GNAT3: variants seen among roughly 807,000 people sequenced by gnomAD.
GNAT3 encodes the protein G protein subunit alpha transducin 3.
In GNAT3, 31 loss-of-function variants were observed where a neutral mutation model predicts 37.7. The observed-to-expected ratio is 0.82, with a 90% CI of 0.62 to 1.11. GNAT3 has a LOEUF of 1.11. Among genes scored for constraint, GNAT3 ranks in the 50% most tolerant of loss-of-function variants. The probability of loss-of-function intolerance (pLI) is 0.00; values close to 1 mark genes in which losing one functional copy is unlikely to be tolerated. For missense variants in GNAT3, 437 were observed against 412.5 expected, an observed-to-expected ratio of 1.06 and a Z score of -0.51; for synonymous variants, 138 against 139.8, an observed-to-expected ratio of 0.99 and a Z score of 0.09.
At chr7:80,503,087 T>G (rs756548972) in intron 1 of GNAT3, among the ~76,000 whole-genome samples, 10 of 152,152 alleles carry the variant, frequency 6.6e-5, no homozygotes, top group Non-Finnish European at 1.5e-4. Flanking sequence ...TCATTTTAGT[T>G]ACATAGTTAA....
intron 1 of GNAT3, among the ~76,000 whole-genome samples, chr7:80,511,127 A>G (rs1360108217): frequency 6.6e-6 from 1 of 152,124 alleles, no homozygotes; most frequent in Non-Finnish European, 1.5e-5. Flanking sequence ...TTAATTGAAC[A>G]TTTATTGAAT....
chr7:80,491,535 A>G (rs767111626), intron 2 of GNAT3, among the ~76,000 whole-genome samples: 1 of 152,174 alleles, frequency 6.6e-6, no homozygotes, highest in African/African-American at 2.4e-5. Flanking sequence ...AGAGACACTA[A>G]CATTTTAAAT....
intron 5 of GNAT3, among the ~76,000 whole-genome samples, chr7:80,466,074 C>G (rs1236811448): frequency 6.6e-6 from 1 of 152,060 alleles, no homozygotes. Flanking sequence ...CTCTTTCACT[C>G]TAATCCCCAC....
At chr7:80,507,642 C>A (rs549671298) in intron 1 of GNAT3, among the ~76,000 whole-genome samples, 2 of 151,948 alleles carry the variant, frequency 1.3e-5, no homozygotes, top group South Asian at 4.1e-4. Flanking sequence ...ATTAATAAAT[C>A]AATTTCCACC....
At chr7:80,496,838 T>G (rs1790726366) in intron 1 of GNAT3, among the ~76,000 whole-genome samples, 1 of 152,212 alleles carries the variant, frequency 6.6e-6, no homozygotes, top group Non-Finnish European at 1.5e-5. Context: ...TTTAGTTCTA[T>G]TCAGGACAAC....
intron 3 of GNAT3, among the ~76,000 whole-genome samples, chr7:80,482,357 C>T (rs1399044104): frequency 6.6e-6 from 1 of 152,210 alleles, no homozygotes; most frequent in Non-Finnish European, 1.5e-5. Context: ...TGCCATAAAA[C>T]AACCACTACA....
intron 3 of GNAT3, among the ~76,000 whole-genome samples, chr7:80,483,033 C>A (rs1013254951): frequency 1.3e-5 from 2 of 151,950 alleles, no homozygotes; most frequent in East Asian, 3.9e-4. Context: ...TTTGTGCGTG[C>A]ATAGTTGGAG....
chr7:80,480,646 G>A (rs532972041), intron 3 of GNAT3, among the ~76,000 whole-genome samples: 1 of 152,110 alleles, frequency 6.6e-6, no homozygotes, highest in Non-Finnish European at 1.5e-5. Context: ...ACAAGGGGTG[G>A]ATTATTCATG....
intron 1 of GNAT3, among the ~76,000 whole-genome samples, chr7:80,497,545 CAT>C (rs1447735990): frequency 5.7e-5 from 8 of 139,644 alleles, no homozygotes; most frequent in African/African-American, 2.1e-4. Flanking sequence ...TATATATACA[CAT>C]ATACGTATAT....
At chr7:80,471,701 G>A (rs1435131121) in intron 5 of GNAT3, among the ~76,000 whole-genome samples, 1 of 152,110 alleles carries the variant, frequency 6.6e-6, no homozygotes, top group Non-Finnish European at 1.5e-5. Flanking sequence ...TAACAACTCA[G>A]TGCCATACAG....
intron 1 of GNAT3, among the ~76,000 whole-genome samples, chr7:80,507,018 TG>T (rs1790958499): frequency 1.3e-5 from 2 of 152,060 alleles, no homozygotes; most frequent in Non-Finnish European, 2.9e-5. Context: ...AAGGAAAGAA[TG>T]GTTTTAATTT....
intron 2 of GNAT3, among the ~76,000 whole-genome samples, chr7:80,489,371 C>G (rs780279808): frequency 6.6e-6 from 1 of 152,028 alleles, no homozygotes; most frequent in Non-Finnish European, 1.5e-5. Context: ...GTTAGATATG[C>G]CAGTTACGTA....
At chr7:80,506,280 T>G (rs2116231464) in intron 1 of GNAT3, among the ~76,000 whole-genome samples, 1 of 152,338 alleles carries the variant, frequency 6.6e-6, no homozygotes, top group South Asian at 2.1e-4. Context: ...TTCAACCTCC[T>G]TAGCAAATAC....
chr7:80,499,768 A>G (rs1790799215), intron 1 of GNAT3, among the ~76,000 whole-genome samples: 1 of 151,306 alleles, frequency 6.6e-6, no homozygotes, highest in Non-Finnish European at 1.5e-5. Flanking sequence ...TTTGGAACTA[A>G]ATAGATATGA....
chr7:80,474,664 C>G (rs570761273), intron 4 of GNAT3, among the ~76,000 whole-genome samples: 1 of 152,180 alleles, frequency 6.6e-6, no homozygotes, highest in South Asian at 2.1e-4. Flanking sequence ...ACACAGCTGA[C>G]CCCCAGCGTC....
At chr7:80,493,998 A>AGTGCAGTTTTG (rs1790665213) in intron 2 of GNAT3, among the ~76,000 whole-genome samples, 1 of 151,842 alleles carries the variant, frequency 6.6e-6, no homozygotes, top group Admixed American at 6.6e-5. Flanking sequence ...TTTAGCCACA[A>AGTGCAGTTTTG]TTATCCTTTA....
rs370191754 is a variant in GNAT3, at chr7:80,471,623, G to C, written c.590+2628C>G. Among the ~76,000 whole-genome samples, 76 of 152,218 alleles carry C rather than the reference G, an allele frequency of 5.0e-4. 1 individual carries two copies. In the South Asian group the frequency reaches 0.015, roughly 31 times the overall value. On this transcript the variant is annotated intron_variant, in intron 5 of 7. Coordinates refer to ENST00000398291, the MANE Select transcript of GNAT3 (RefSeq NM_001102386.3). ...CCTCCCTCCCGCCTTCTCTCTGAAAGAGATTATAAATGACCAACAACACTG... is the reference window on the plus strand; with the variant it reads ...CCTCCCTCCCGCCTTCTCTCTGAAACAGATTATAAATGACCAACAACACTG...
chr7:80,483,193 T>C (rs929077460), intron 3 of GNAT3, among the ~76,000 whole-genome samples: 1 of 152,102 alleles, frequency 6.6e-6, no homozygotes, highest in Non-Finnish European at 1.5e-5. Flanking sequence ...AGCTTCAAGG[T>C]GACGCAACTG....
intron 3 of GNAT3, chr7:80,486,632 C>CTTTTTTTTTTTTTTTTTTTTTT (rs762169940): frequency 1.0e-5 from 1 of 98,422 alleles, no homozygotes; most frequent in African/African-American, 4.8e-5. Flanking sequence ...TTTTCTTTTC[C>CTTTTTTTTTTTTTTTTTTTTTT]TTTTTTTTTT....
Sources: gnomAD v4.1 joint callset for allele counts (sites outside exome capture counted in the v4.1 genomes callset) on GRCh38, gnomAD v4.1.1 for gene constraint, MANE v1.5 for transcripts, NCBI Gene and HGNC (gene_info 2026-07-23, HGNC 2026-07-21) for gene names.